ENTPD5: variants seen among roughly 807,000 people sequenced by gnomAD.
ENTPD5 encodes ectonucleoside triphosphate diphosphohydrolase 5 (inactive).
ENTPD5 carries 49 observed loss-of-function variants against 60.2 expected under a neutral mutation model. The ratio of observed to expected loss-of-function variants is 0.81; its 90% confidence interval spans 0.65 to 1.03. The LOEUF (loss-of-function observed/expected upper bound fraction) is 1.03. ENTPD5 is among the 50% of genes least tolerant of loss of function. The pLI, the probability that ENTPD5 is intolerant of heterozygous loss-of-function variation, is 0.00. For missense variants in ENTPD5, 480 were observed against 507.6 expected (o/e 0.95, Z 0.52); for synonymous variants, 187 against 185.4 (o/e 1.01, Z -0.07).
intron 3 of ENTPD5, among the ~76,000 whole-genome samples, chr14:73,992,370 C>G (rs1383533023): frequency 6.6e-6 from 1 of 152,156 alleles, no homozygotes; most frequent in East Asian, 1.9e-4. Flanking sequence ...TCCCTCCCCA[C>G]AGGTGACATA....
At chr14:73,973,764 A>G in intron 12 of ENTPD5, 113 bp downstream of exon 12, 1 of 838,682 alleles carries the variant, frequency 1.2e-6, no homozygotes, top group South Asian at 1.6e-5. Flanking sequence ...TCTTTGGAAT[A>G]AGTCCCTGCA....
intron 6 of ENTPD5, among the ~76,000 whole-genome samples, chr14:73,978,407 C>T (rs1464928184): frequency 2.6e-5 from 4 of 152,050 alleles, no homozygotes; most frequent in East Asian, 1.9e-4. Context: ...AGTTCGAGAC[C>T]GGCCTGGCCA....
In ENTPD5 at chr14:73,965,487, G is replaced by A. The variant is rs918980258; in HGVS notation, c.*1441C>T. 6 of 152,174 alleles carry A rather than the reference G, an allele frequency of 3.9e-5. No homozygotes were observed. Among genetic ancestry groups the A allele is most frequent in the African/African-American group, 1.2e-4 (5 of 41,396 alleles). The allele number at this position is 152,174 out of a possible 1,614,324, so 9.4% of individuals were successfully genotyped here. A position where few individuals can be genotyped will look rare whatever the true frequency, so the allele number is the denominator to read the frequency against. ...CTCATGCCTGTAATCCCAGCACTTT[G>A]GGAAGCGGGTGGATCAATTGAGATC... On this transcript the variant is annotated 3_prime_UTR_variant, in exon 16 of 16. Coordinates refer to ENST00000334696, the MANE Select transcript of ENTPD5 (RefSeq NM_001249.5).
chr14:74,003,936 A>T (rs182574325), intron 3 of ENTPD5, among the ~76,000 whole-genome samples: 3,253 of 150,946 alleles, frequency 0.022, 41 homozygotes, highest in Middle Eastern at 0.069. Flanking sequence ...ATTAAAAAAA[A>T]TTTTTTTTTA....
At chr14:73,983,287 C>T in intron 5 of ENTPD5, 126 bp from the exon 6 acceptor site, 1 of 979,808 alleles carries the variant, frequency 1.0e-6, no homozygotes, top group South Asian at 2.1e-5. Context: ...CCTCTCTCTG[C>T]TCTGTAGCAG....
At chr14:73,971,350 G>GT (rs1293392739) in intron 14 of ENTPD5, among the ~76,000 whole-genome samples, 1 of 152,026 alleles carries the variant, frequency 6.6e-6, no homozygotes, top group Non-Finnish European at 1.5e-5. Context: ...TAGAGATGGG[G>GT]TTTCACCATG....
chr14:73,969,685 CAA>C (rs1179517030), intron 15 of ENTPD5, among the ~76,000 whole-genome samples: 2 of 151,450 alleles, frequency 1.3e-5, no homozygotes, highest in African/African-American at 2.4e-5. Context: ...GCCCAGGAAA[CAA>C]GAGCGAGACT....
chr14:73,966,143 C>T lies in ENTPD5; in HGVS notation c.*785G>A, dbSNP rs1348407410. 6.6e-6 allele frequency: 1 copy of T among 152,172 alleles called. No homozygotes were observed. 9.4% of individuals were successfully genotyped at this position (152,172 alleles called of 1,614,324 possible). On this transcript the variant is annotated 3_prime_UTR_variant, in exon 16 of 16. Transcript: ENST00000334696. ...TAGAAAACACTGTTAACACATTAGC[C>T]TGGGAGGTGGTACTGGCACTGAATA...
downstream of ENTPD5, chr14:73,955,760 G>A: frequency 6.2e-7 from 1 of 1,613,926 alleles, no homozygotes; most frequent in Non-Finnish European, 8.5e-7. Context: ...TTGGAGTGAT[G>A]TTTCCCTCTT....
At chr14:73,980,278 T>TA (rs2057628558) in intron 6 of ENTPD5, among the ~76,000 whole-genome samples, 1 of 150,748 alleles carries the variant, frequency 6.6e-6, no homozygotes, top group African/African-American at 2.4e-5. Flanking sequence ...TCTTTTTTTT[T>TA]TTTTGAGACA....
rs2057335638 is a variant in ENTPD5, at chr14:73,973,975, G to C, written c.788C>G (p.Thr263Ser). 1.2e-6 allele frequency: 2 copies of C among 1,613,888 alleles called. No homozygotes were observed. Among genetic ancestry groups the C allele is most frequent in the Non-Finnish European group, 1.7e-6 (2 of 1,179,804 alleles). ...ATLGALETEG[T>S]DGHTFRSACL... is the part of the protein sequence containing the mutation. ...GGCACTCCGGAAAGTGTGCCCATCA[G>C]TCCCTGAAAGAATCCAGGGCACAAG... The change falls in exon 12 of 16, where the codon ACT (threonine) becomes AGT (serine). Residue 263 changes from threonine (T) to serine (S), a missense_variant. Physicochemically the swap from Thr to Ser is moderately conservative, Grantham distance 58. Transcript: ENST00000334696.
intron 9 of ENTPD5, 36 bp downstream of exon 9, chr14:73,976,288 G>A (rs1451675414): frequency 6.4e-7 from 1 of 1,574,624 alleles, no homozygotes; most frequent in Non-Finnish European, 8.7e-7. Flanking sequence ...CGCCTGCCAA[G>A]TGCACTTCTA....
chr14:73,983,691 A>AT (rs1432454050), intron 5 of ENTPD5, among the ~76,000 whole-genome samples: 10 of 61,784 alleles, frequency 1.6e-4, no homozygotes, highest in African/African-American at 4.0e-4. Flanking sequence ...TATTATTATT[A>AT]TTATTTTTTT....
intron 2 of ENTPD5, among the ~76,000 whole-genome samples, chr14:74,014,701 G>C (rs898442703): frequency 4.6e-5 from 7 of 152,308 alleles, no homozygotes; most frequent in Non-Finnish European, 8.8e-5. Context: ...CCCCTGCAGA[G>C]ATGTGAACTA....
At chr14:73,970,980 G>A (rs948089444) in intron 14 of ENTPD5, among the ~76,000 whole-genome samples, 14 of 151,510 alleles carry the variant, frequency 9.2e-5, no homozygotes, top group Non-Finnish European at 1.8e-4. Flanking sequence ...TCGAACCACT[G>A]TGCCTAGCTC....
chr14:73,958,535 G>T, downstream of ENTPD5: 1 of 1,325,456 alleles, frequency 7.5e-7, no homozygotes, highest in South Asian at 1.5e-5. Flanking sequence ...AGAGTGTTGG[G>T]AATGGAGGCT....
downstream of ENTPD5, chr14:73,962,983 C>T (rs755660869): frequency 5.0e-6 from 8 of 1,609,608 alleles, no homozygotes; most frequent in South Asian, 8.8e-5. Flanking sequence ...CAGATTATGG[C>T]CTTTGCAAGC....
downstream of ENTPD5, chr14:73,959,352 T>A (rs1326545498): frequency 1.2e-6 from 2 of 1,614,190 alleles, no homozygotes; most frequent in East Asian, 2.2e-5. Context: ...TGTCTTTTTA[T>A]GCTTGAGAGT....
chr14:74,007,789 C>T (rs1354100723), intron 3 of ENTPD5: 1 of 150,534 alleles, frequency 6.6e-6, no homozygotes, highest in African/African-American at 2.4e-5. Context: ...CCACTGTACT[C>T]CAGCCTCGGT....
Sources: allele counts gnomAD v4.1 joint callset (sites outside exome capture counted in the v4.1 genomes callset), GRCh38; gene constraint gnomAD v4.1.1; transcripts MANE v1.5; gene names NCBI Gene and HGNC (gene_info 2026-07-23, HGNC 2026-07-21).